The following KSR2 variants were observed in gnomAD, a reference collection of about 807,000 sequenced individuals.
The protein encoded by KSR2 is kinase suppressor of ras 2.
KSR2 carries 25 observed loss-of-function variants against 107.8 expected under a neutral mutation model. That is an observed-to-expected ratio of 0.23 (90% confidence interval 0.17 to 0.32). The LOEUF is 0.32. KSR2 is among the 10% of genes least tolerant of loss of function. The probability of loss-of-function intolerance (pLI) is 1.00; values close to 1 mark genes in which losing one functional copy is unlikely to be tolerated. For synonymous variants in KSR2, 480 were observed against 507.0 expected (o/e 0.95, Z 0.71); for missense variants, 887 against 1,268.9 (o/e 0.70, Z 4.57).
intron 5 of KSR2, among the ~76,000 whole-genome samples, chr12:117,615,882 T>C (rs1881853825): frequency 6.6e-6 from 1 of 152,090 alleles, no homozygotes; most frequent in African/African-American, 2.4e-5. Flanking sequence ...AGATAATACA[T>C]ACAGATTTTA....
At chr12:117,868,059 CAAAG>C (rs999955604) in intron 1 of KSR2, among the ~76,000 whole-genome samples, 3 of 152,094 alleles carry the variant, frequency 2.0e-5, no homozygotes, top group African/African-American at 7.2e-5. Context: ...AACTGACTGA[CAAAG>C]AAGACACTAG....
chr12:117,693,626 T>C (rs1054485604), intron 4 of KSR2, among the ~76,000 whole-genome samples: 1 of 152,200 alleles, frequency 6.6e-6, no homozygotes, highest in African/African-American at 2.4e-5. Flanking sequence ...CAGCATACAG[T>C]AAGTTGTGCT....
chr12:117,727,088 A>G (rs1022255707), intron 4 of KSR2, among the ~76,000 whole-genome samples: 1 of 152,118 alleles, frequency 6.6e-6, no homozygotes, highest in Admixed American at 6.6e-5. Context: ...TTCTTATAAG[A>G]AAAGAGGGCT....
In KSR2 at chr12:117,582,352, C is replaced by G. The variant is rs376687080; in HGVS notation, c.1179G>C (p.Leu393=). ...TCTGCGGGGACCAGCGTGGCACTGACAGTGTGTCTACAGAGAGAAGAGAAC... is the reference window on the plus strand; with the variant it reads ...TCTGCGGGGACCAGCGTGGCACTGAGAGTGTGTCTACAGAGAGAAGAGAAC... ...HTEANFSANT[L]SVPRWSPQIP... The change falls in exon 6 of 20, where the codon CTG becomes CTC. Residue 393 remains leucine (L), a synonymous_variant. Transcript: ENST00000339824. 14 of 1,613,418 alleles carry G rather than the reference C, an allele frequency of 8.7e-6. No individual in the cohort carries two copies. In the African/African-American group the frequency reaches 1.6e-4, roughly 18 times the overall value.
intron 1 of KSR2, among the ~76,000 whole-genome samples, chr12:117,941,226 C>T (rs1895995053): frequency 6.6e-6 from 1 of 152,082 alleles, no homozygotes; most frequent in African/African-American, 2.4e-5. Context: ...ACCATGACCT[C>T]CCCACCATGT....
At chr12:117,662,284 G>A (rs898299556) in intron 5 of KSR2, among the ~76,000 whole-genome samples, 1 of 152,202 alleles carries the variant, frequency 6.6e-6, no homozygotes, top group African/African-American at 2.4e-5. Flanking sequence ...CAAGACACGA[G>A]CCTCTCCTCC....
At chr12:117,474,458 T>A (rs1474381457) in intron 17 of KSR2, among the ~76,000 whole-genome samples, 1 of 151,888 alleles carries the variant, frequency 6.6e-6, no homozygotes, top group Non-Finnish European at 1.5e-5. Context: ...GGGGCCCTTT[T>A]CCAAGGAAGA....
chr12:117,517,474 C>T (rs754883976), intron 14 of KSR2, among the ~76,000 whole-genome samples: 3 of 152,210 alleles, frequency 2.0e-5, no homozygotes, highest in Admixed American at 6.5e-5. Context: ...AGATGTCACA[C>T]GTGCTAATTC....
chr12:117,730,338 A>G (rs1298701387), intron 4 of KSR2, among the ~76,000 whole-genome samples: 4 of 152,202 alleles, frequency 2.6e-5, no homozygotes, highest in Admixed American at 2.0e-4. Flanking sequence ...GATACTATAT[A>G]TAAGGCACTT....
intron 5 of KSR2, among the ~76,000 whole-genome samples, chr12:117,590,177 G>A (rs1880238436): frequency 2.0e-5 from 3 of 152,226 alleles, no homozygotes; most frequent in South Asian, 2.1e-4. Flanking sequence ...CCTGTCCACT[G>A]CAGGAATGCA....
chr12:117,855,511 G>T lies in KSR2; in HGVS notation c.389C>A (p.Thr130Asn). Residue 130 changes from threonine to asparagine, a missense_variant, in exon 3 of 20, where the codon ACT becomes AAT. Transcript: ENST00000339824. ...CCGGTTGGCTCCGTATTTCTCCACA[G>T]TCTCGCACACCTGTTCATCCGTCAT... ...LEMTDEQVCE[T>N]VEKYGANREE... is the part of the protein sequence containing the mutation. The T allele has an allele frequency of 2.5e-6, 4 of 1,614,010 alleles. No individual in the cohort carries two copies. Among genetic ancestry groups the T allele is most frequent in the Non-Finnish European group, 3.4e-6 (4 of 1,179,882 alleles).
In KSR2 at chr12:117,963,841, G is replaced by A. The variant is rs147461132; in HGVS notation, c.180+4235C>T. Among the ~76,000 whole-genome samples the A allele has an allele frequency of 2.0e-4, 30 of 152,182 alleles. No homozygotes were observed. In the South Asian group the frequency reaches 3.7e-3, roughly 19 times the overall value. ...TGAAGGCATTCAAATACCTTCATCT[G>A]GTTTGTTGTTCTTGTCCAGCATGCT... On this transcript the variant is annotated intron_variant, in intron 1 of 19. Coordinates refer to ENST00000339824, the MANE Select transcript of KSR2 (RefSeq NM_173598.6).
rs183068701 is a variant in KSR2 at position 117,914,385 on chromosome 12, C to T, written c.180+53691G>A. ...TGGATGCTGCAGCGAGTCGAAATCACGCCACTGCACTCCAGCTTGGGCGAC... is the reference window on the plus strand; with the variant it reads ...TGGATGCTGCAGCGAGTCGAAATCATGCCACTGCACTCCAGCTTGGGCGAC... On this transcript the variant is annotated intron_variant, in intron 1 of 19. Coordinates refer to ENST00000339824, the MANE Select transcript of KSR2 (RefSeq NM_173598.6). 2.2e-4 allele frequency among the ~76,000 whole-genome samples: 32 copies of T among 148,828 alleles called. No homozygotes were observed. In the East Asian group the frequency reaches 4.2e-3, roughly 20 times the overall value.
chr12:117,839,002 C>T (rs1011876508), intron 3 of KSR2, among the ~76,000 whole-genome samples: 2 of 152,170 alleles, frequency 1.3e-5, no homozygotes, highest in South Asian at 4.1e-4. Context: ...TCCAATAAAA[C>T]TTTATTTACA....
intron 5 of KSR2, among the ~76,000 whole-genome samples, chr12:117,593,073 G>A (rs1206688697): frequency 6.6e-6 from 1 of 152,178 alleles, no homozygotes; most frequent in African/African-American, 2.4e-5. Flanking sequence ...GAGCAGCCCT[G>A]AGCATGTGCA....
intron 16 of KSR2, among the ~76,000 whole-genome samples, chr12:117,477,677 G>C (rs776364284): frequency 2.0e-4 from 31 of 152,216 alleles, no homozygotes; most frequent in Non-Finnish European, 3.5e-4. Flanking sequence ...GGGGAAGTTA[G>C]GACAAAGTTC....
chr12:117,862,989 A>G (rs186346701), intron 1 of KSR2, among the ~76,000 whole-genome samples: 132 of 152,154 alleles, frequency 8.7e-4, no homozygotes, highest in Middle Eastern at 3.4e-3. Context: ...TCAGCCTCCC[A>G]AAGTGCTGGG....
chr12:117,607,570 A>C, intron 5 of KSR2, among the ~76,000 whole-genome samples: 1 of 151,614 alleles, frequency 6.6e-6, no homozygotes. Context: ...AATCTCCAAG[A>C]GGGAATCAGA....
chr12:117,700,311 T>G (rs761509192), intron 4 of KSR2, among the ~76,000 whole-genome samples: 1 of 152,152 alleles, frequency 6.6e-6, no homozygotes, highest in African/African-American at 2.4e-5. Flanking sequence ...GGAGGCAGGA[T>G]CTGACAACAG....
Sources: gnomAD v4.1 joint callset for allele counts (sites outside exome capture counted in the v4.1 genomes callset) on GRCh38, gnomAD v4.1.1 for gene constraint, MANE v1.5 for transcripts, NCBI Gene and HGNC (gene_info 2026-07-23, HGNC 2026-07-21) for gene names.